GRID1: variants seen among roughly 807,000 people sequenced by gnomAD.
GRID1 encodes glutamate receptor ionotropic, delta-1.
In GRID1, 28 loss-of-function variants were observed where a neutral mutation model predicts 98.0. That is an observed-to-expected ratio of 0.29 (90% CI 0.21 to 0.39). The LOEUF (loss-of-function observed/expected upper bound fraction) is 0.39, where lower values mean the gene tolerates loss of function less well. Among genes scored for constraint, GRID1 ranks in the 10% least tolerant of loss-of-function variants. The pLI is 1.00. For synonymous variants in GRID1, 553 were observed against 538.5 expected (o/e 1.03, Z -0.37); for missense variants, 1,111 against 1,340.5 (o/e 0.83, Z 2.67).
intron 2 of GRID1, among the ~76,000 whole-genome samples, chr10:86,340,273 C>A (rs1371872747): frequency 2.0e-5 from 3 of 152,180 alleles, no homozygotes; most frequent in Non-Finnish European, 4.4e-5. Context: ...CCCGAACCAC[C>A]AAAAAGTCAG....
chr10:86,047,904 A>G (rs769320454), intron 4 of GRID1, among the ~76,000 whole-genome samples: 12 of 152,200 alleles, frequency 7.9e-5, no homozygotes, highest in Non-Finnish European at 1.8e-4. Flanking sequence ...TGATGAAGGC[A>G]TTTGGATTTT....
At chr10:85,894,107 T>C (rs1347544168) in intron 5 of GRID1, among the ~76,000 whole-genome samples, 2 of 152,158 alleles carry the variant, frequency 1.3e-5, no homozygotes, top group Non-Finnish European at 2.9e-5. Flanking sequence ...GCTGGGACAA[T>C]AGACAATCCT....
chr10:85,950,121 T>C (rs1340093545), intron 4 of GRID1, among the ~76,000 whole-genome samples: 3 of 152,166 alleles, frequency 2.0e-5, no homozygotes, highest in Admixed American at 6.5e-5. Flanking sequence ...TAAATGAACT[T>C]AAATTCCTTC....
At chr10:86,218,175 C>T (rs778783988) in intron 2 of GRID1, among the ~76,000 whole-genome samples, 2 of 151,928 alleles carry the variant, frequency 1.3e-5, no homozygotes, top group African/African-American at 4.8e-5. Flanking sequence ...TGCTTGTGCG[C>T]GTGTGTGTGT....
In GRID1 at chr10:86,138,889, C is replaced by T. The variant is rs766955691; in HGVS notation, c.656G>A (p.Arg219His). 1.2e-6 allele frequency: 2 copies of T among 1,614,158 alleles called. No homozygotes were observed. Among genetic ancestry groups the T allele is most frequent in the Admixed American group, 1.7e-5 (1 of 60,030 alleles). Reference protein sequence around the residue: ...FTTMKTEELNRYRDTLRRAIL... With the variant: ...FTTMKTEELNHYRDTLRRAIL... The stretch of plus-strand genomic sequence containing the variant: ...GGCGCGGCGAAGCGTGTCCCGGTAG[C>T]GATTCAGCTCCTCTGTCTTCATCGT... Residue 219 changes from arginine to histidine, a missense_variant, in exon 4 of 16, where the codon CGC becomes CAC. This residue lies in a region of GRID1 where 346 missense variants were observed against 452.3 expected (regional missense o/e 0.76). Coordinates refer to ENST00000327946, the MANE Select transcript of GRID1 (RefSeq NM_017551.3).
intron 3 of GRID1, among the ~76,000 whole-genome samples, chr10:86,144,100 G>T (rs117484959): frequency 3.6e-4 from 55 of 152,304 alleles, no homozygotes; most frequent in African/African-American, 1.1e-3. Context: ...AACCCCTGGG[G>T]TTCTTTATCG....
Position 85,634,998 on chromosome 10 carries a change from G to GAAAAAAAAAAAA in GRID1, c.2193+12192_2193+12203dup, listed in dbSNP as rs140144576. The stretch of plus-strand genomic sequence containing the variant: ...GCAAATTACAGGGCAGAGGAAATCT[G>GAAAAAAAAAAAA]AAAAAAAAAAAAAAAAAAAAAAAAA... On this transcript the variant is annotated intron_variant, in intron 13 of 15. Transcript: ENST00000327946. Among the ~76,000 whole-genome samples, 11 of 35,012 alleles carry GAAAAAAAAAAAA rather than the reference G, an allele frequency of 3.1e-4. 1 individual carries two copies. Among genetic ancestry groups the GAAAAAAAAAAAA allele is most frequent in the Non-Finnish European group, 3.8e-4 (7 of 18,564 alleles). 23.0% of individuals were successfully genotyped at this position (35,012 alleles called of 152,430 possible).
chr10:85,695,246 T>C (rs1375797601), intron 12 of GRID1, among the ~76,000 whole-genome samples: 2 of 152,148 alleles, frequency 1.3e-5, no homozygotes, highest in African/African-American at 4.8e-5. Context: ...GAACTCAGCG[T>C]CTACTGCAGA....
chr10:86,365,964 C>T lies in GRID1; in HGVS notation c.79+350G>A, dbSNP rs1848670981. 6.6e-6 allele frequency among the ~76,000 whole-genome samples: 1 copy of T among 152,148 alleles called. No individual in the cohort carries two copies. Among genetic ancestry groups the T allele is most frequent in the African/African-American group, 2.4e-5 (1 of 41,462 alleles). Reference sequence around the variant, plus strand: ...CCCCGCTGTACCTCCCCCTGCCCCCCGCTGCTCTGAGCTGCGCAGAAGGGC... The same window carrying T: ...CCCCGCTGTACCTCCCCCTGCCCCCTGCTGCTCTGAGCTGCGCAGAAGGGC... On this transcript the variant is annotated intron_variant, in intron 1 of 15. Transcript: ENST00000327946. The surrounding 1 kb of genome is among the most constrained non-coding windows in gnomAD (Gnocchi z 4.8).
intron 8 of GRID1, among the ~76,000 whole-genome samples, chr10:85,748,513 T>A (rs1348071841): frequency 6.6e-6 from 1 of 152,160 alleles, no homozygotes; most frequent in East Asian, 1.9e-4. Flanking sequence ...ATAATTATTA[T>A]CTTTGGCAGA....
intron 4 of GRID1, among the ~76,000 whole-genome samples, chr10:86,055,402 T>C (rs1221185551): frequency 6.6e-6 from 1 of 152,090 alleles, no homozygotes; most frequent in Non-Finnish European, 1.5e-5. Flanking sequence ...AGATGTAGCC[T>C]GTGAGAGATA....
At chr10:85,770,389 G>T (rs1410846326) in intron 8 of GRID1, among the ~76,000 whole-genome samples, 2 of 152,150 alleles carry the variant, frequency 1.3e-5, no homozygotes, top group Non-Finnish European at 2.9e-5. Flanking sequence ...AAAAAGAGCA[G>T]AAAAACTGGA....
chr10:85,623,952 C>A (rs1842883704), intron 13 of GRID1, among the ~76,000 whole-genome samples: 1 of 152,168 alleles, frequency 6.6e-6, no homozygotes, highest in Non-Finnish European at 1.5e-5. Context: ...ATGAACCCAG[C>A]CATCTCCTTG....
intron 12 of GRID1, among the ~76,000 whole-genome samples, chr10:85,691,073 A>G (rs1378196390): frequency 6.6e-6 from 1 of 152,226 alleles, no homozygotes; most frequent in African/African-American, 2.4e-5. Context: ...AGTTAATTCT[A>G]TTTTGGAGGT....
intron 5 of GRID1, among the ~76,000 whole-genome samples, chr10:85,912,990 G>A (rs368198559): frequency 3.9e-5 from 6 of 152,244 alleles, no homozygotes; most frequent in Admixed American, 1.3e-4. Context: ...TGCTAAAACC[G>A]GAAACAGTAG....
intron 4 of GRID1, among the ~76,000 whole-genome samples, chr10:86,013,998 G>A (rs1030079789): frequency 1.3e-5 from 2 of 152,172 alleles, no homozygotes; most frequent in Admixed American, 1.3e-4. Flanking sequence ...TTCTGGATTT[G>A]GAAGCAACAG....
In GRID1 at chr10:86,241,701, C is replaced by A. The variant is rs115818783; in HGVS notation, c.236-35053G>T. Among the ~76,000 whole-genome samples, 517 of 152,338 alleles carry A rather than the reference C, an allele frequency of 3.4e-3. 1 individual carries two copies. The highest frequency in any genetic ancestry group is 0.011 in the African/African-American group (464 of 41,568). On this transcript the variant is annotated intron_variant, in intron 2 of 15. Transcript: ENST00000327946. Reference sequence around the variant, plus strand: ...ATAATAGGAATGAGCCTCAATTCCACAATATAATTAATTAGTTATGAGTGA... The same window carrying A: ...ATAATAGGAATGAGCCTCAATTCCAAAATATAATTAATTAGTTATGAGTGA...
chr10:85,739,742 GA>G (rs1841921983), intron 8 of GRID1, among the ~76,000 whole-genome samples: 1 of 152,320 alleles, frequency 6.6e-6, no homozygotes, highest in South Asian at 2.1e-4. Flanking sequence ...GGTTTAGGAA[GA>G]ATATAAGTAC....
intron 3 of GRID1, among the ~76,000 whole-genome samples, chr10:86,152,677 C>G (rs1410930432): frequency 1.3e-5 from 2 of 152,218 alleles, no homozygotes. Flanking sequence ...GCCACTGCCT[C>G]TAAATTGGGC....
Sources: gnomAD v4.1 joint callset for allele counts (sites outside exome capture counted in the v4.1 genomes callset) on GRCh38, gnomAD v4.1.1 for gene constraint, gnomAD v4.1.1 regional missense constraint, Gnocchi (gnomAD v3.1) non-coding constraint, MANE v1.5 for transcripts, NCBI Gene and HGNC (gene_info 2026-07-23, HGNC 2026-07-21) for gene names.